Variants in FGFR2 observed in about 807,000 individuals in gnomAD.
The protein encoded by FGFR2 is BEK fibroblast growth factor receptor.
Under a neutral mutation model 95.9 loss-of-function variants are expected in FGFR2, and 19 were observed. The ratio of observed to expected loss-of-function variants is 0.20; its 90% CI spans 0.14 to 0.29. FGFR2 has a LOEUF of 0.29. Among genes scored for constraint, FGFR2 ranks in the 10% least tolerant of loss-of-function variants. The pLI is 1.00. For synonymous variants in FGFR2, 392 were observed against 393.3 expected (o/e 1.00, Z 0.04); for missense variants, 707 against 1,056.9 (o/e 0.67, Z 4.59).
chr10:121,556,229 CCAGGTATCTATGTGCTAGA>C (rs936577822), intron 4 of FGFR2, among the ~76,000 whole-genome samples: 20 of 152,150 alleles, frequency 1.3e-4, no homozygotes, highest in Non-Finnish European at 2.5e-4. Context: ...AACATACTTT[CCAGGTATCTATGTGCTAGA>C]CAGGTATTGA....
chr10:121,561,146 C>T (rs527243354), intron 4 of FGFR2, among the ~76,000 whole-genome samples: 7 of 152,202 alleles, frequency 4.6e-5, no homozygotes, highest in East Asian at 3.9e-4. Context: ...GAAGACAGGC[C>T]GGGCGCAGTG....
At chr10:121,482,368 C>T (rs1478817595) in intron 17 of FGFR2, among the ~76,000 whole-genome samples, 1 of 152,138 alleles carries the variant, frequency 6.6e-6, no homozygotes, top group Non-Finnish European at 1.5e-5. Flanking sequence ...CAGCACAGGC[C>T]ACAGTCAGAC....
intron 2 of FGFR2, among the ~76,000 whole-genome samples, chr10:121,591,892 C>T (rs1862713046): frequency 6.6e-6 from 1 of 152,208 alleles, no homozygotes; most frequent in East Asian, 1.9e-4. Context: ...CAAAGACTCA[C>T]TCGGGGAACT....
chr10:121,524,759 C>T (rs556994414), intron 6 of FGFR2, among the ~76,000 whole-genome samples: 1 of 152,324 alleles, frequency 6.6e-6, no homozygotes, highest in East Asian at 1.9e-4. Context: ...CCTTCGTGGC[C>T]TGGCCCAGCG....
chr10:121,531,131 A>G lies in FGFR2; in HGVS notation c.748+7461T>C, dbSNP rs1237637108. 6.6e-6 allele frequency: 1 copy of G among 152,214 alleles called. No homozygotes were observed. The highest frequency in any genetic ancestry group is 1.5e-5 in the Non-Finnish European group (1 of 68,070). 9.4% of individuals were successfully genotyped at this position (152,214 alleles called of 1,614,324 possible). A position where few individuals can be genotyped will look rare whatever the true frequency, so the allele number is the denominator to read the frequency against. ...GCAATCAATAAGGCTTCCTTCCTCA[A>G]TGGTGGGGCAAAGGACAACGGGTAG... On this transcript the variant is annotated intron_variant, in intron 6 of 17. Coordinates refer to ENST00000358487, the MANE Select transcript of FGFR2 (RefSeq NM_000141.5). This position sits in a 1 kb window ranked among gnomAD's most constrained non-coding sequence, Gnocchi z 4.5.
rs780167791 is a variant in FGFR2 at position 121,515,248 on chromosome 10, A to C, written c.1156T>G (p.Phe386Val). Residue 386 changes from phenylalanine to valine, a missense_variant, in exon 9 of 18, where the codon TTC becomes GTC. Physicochemically the swap from Phe to Val is conservative, Grantham distance 50 (BLOSUM62 -1). Transcript: ENST00000358487. ...LEIAIYCIGV[F>V]LIACMVVTVI... ...GTTACCACCATACAGGCGATTAAGA[A>C]GACCCCTATGCAGTAAATGGCTATC... is the stretch of plus-strand genomic sequence containing the variant. 16 of 1,614,086 alleles carry C rather than the reference A, an allele frequency of 9.9e-6. No individual in the cohort carries two copies. Among genetic ancestry groups the C allele is most frequent in the Non-Finnish European group, 1.3e-5 (15 of 1,180,044 alleles).
At chr10:121,571,134 G>A (rs1398401823) in intron 2 of FGFR2, among the ~76,000 whole-genome samples, 1 of 148,744 alleles carries the variant, frequency 6.7e-6, no homozygotes, top group African/African-American at 2.5e-5. Flanking sequence ...GACTACAGGA[G>A]CCTGCCACCA....
chr10:121,542,581 C>G (rs1425156924), intron 5 of FGFR2, among the ~76,000 whole-genome samples: 1 of 152,178 alleles, frequency 6.6e-6, no homozygotes, highest in Non-Finnish European at 1.5e-5. Flanking sequence ...TATTTTTCAT[C>G]TGCCAAGTAA....
At chr10:121,519,885 C>T (rs1850247832) in intron 7 of FGFR2, 94 bp downstream of exon 7, 1 of 1,187,808 alleles carries the variant, frequency 8.4e-7, no homozygotes. Context: ...GAGAATCATC[C>T]TCTCTCAACT....
chr10:121,518,977 T>C lies in FGFR2; in HGVS notation c.939+1002A>G, dbSNP rs1850108974. ...GGGCTGCGGATTTTAAAGAACAAAA[T>C]CAGTCCAGTGGTGGACAACGGAAAG... On this transcript the variant is annotated intron_variant, in intron 7 of 17. Transcript: ENST00000358487. The surrounding 1 kb of genome is among the most constrained non-coding windows in gnomAD (Gnocchi z 4.0). 2 of 965,210 alleles carry C rather than the reference T, an allele frequency of 2.1e-6. No homozygotes were observed. The highest frequency in any genetic ancestry group is 3.2e-5 in the African/African-American group (2 of 61,938). The allele number at this position is 965,210 out of a possible 1,614,324, so 59.8% of individuals were successfully genotyped here.
At chr10:121,481,123 A>G (rs935106956) in intron 17 of FGFR2, among the ~76,000 whole-genome samples, 3 of 151,940 alleles carry the variant, frequency 2.0e-5, no homozygotes, top group African/African-American at 7.3e-5. Context: ...AGCTGAAAAT[A>G]TTTACTCCCT....
At chr10:121,589,571 C>T (rs746314607) in intron 2 of FGFR2, among the ~76,000 whole-genome samples, 2 of 152,136 alleles carry the variant, frequency 1.3e-5, no homozygotes, top group Admixed American at 6.5e-5. Flanking sequence ...ACAGACAAAA[C>T]AGAAACACAC....
chr10:121,596,515 G>GTGATGTGAAAGATT, intron 1 of FGFR2: 1 of 194,328 alleles, frequency 5.1e-6, no homozygotes, highest in Non-Finnish European at 1.1e-5. Flanking sequence ...CATCAGGAAA[G>GTGATGTGAAAGATT]TCAACAGTGT....
intron 1 of FGFR2, 139 bp downstream of exon 1, chr10:121,597,823 G>A (rs780391644): frequency 5.7e-6 from 2 of 352,596 alleles, no homozygotes; most frequent in East Asian, 8.1e-5. Context: ...GCCACAGAGG[G>A]AGGACACGGA....
intron 13 of FGFR2, among the ~76,000 whole-genome samples, chr10:121,488,975 G>A (rs1845780421): frequency 6.6e-6 from 1 of 152,148 alleles, no homozygotes; most frequent in African/African-American, 2.4e-5. Flanking sequence ...CGCAAATGAC[G>A]TCCTCCAACT....
At chr10:121,525,377 C>T (rs896588127) in intron 6 of FGFR2, among the ~76,000 whole-genome samples, 6 of 152,136 alleles carry the variant, frequency 3.9e-5, no homozygotes, top group African/African-American at 9.7e-5. Context: ...ACCAAATAAA[C>T]GCGTAGTAAA....
At chr10:121,589,552 T>C (rs1032652771) in intron 2 of FGFR2, among the ~76,000 whole-genome samples, 1 of 152,168 alleles carries the variant, frequency 6.6e-6, no homozygotes, top group Non-Finnish European at 1.5e-5. Context: ...TTTTAACTGG[T>C]TGAAATAAAC....
rs3750818 is a variant in FGFR2 at position 121,573,160 on chromosome 10, G to A, written c.110-7456C>T. On this transcript the variant is annotated intron_variant, in intron 2 of 17. Coordinates refer to ENST00000358487, the MANE Select transcript of FGFR2 (RefSeq NM_000141.5). ...TAATGTTTGCCTATAAACTTTTCCC[G>A]TGTGGTTTTTGAAATGGCGCCCAAA... 2.9e-3 allele frequency among the ~76,000 whole-genome samples: 437 copies of A among 152,306 alleles called. 9 individuals carry two copies. Among genetic ancestry groups the A allele is most frequent in the Admixed American group, 0.02 (312 of 15,296 alleles).
chr10:121,562,774 A>T (rs1479683642), intron 4 of FGFR2, among the ~76,000 whole-genome samples: 1 of 152,210 alleles, frequency 6.6e-6, no homozygotes, highest in Non-Finnish European at 1.5e-5. Flanking sequence ...CCTAAAGTCA[A>T]CCACACACTT....
Sources: allele counts gnomAD v4.1 joint callset (sites outside exome capture counted in the v4.1 genomes callset), GRCh38; gene constraint gnomAD v4.1.1; non-coding constraint Gnocchi (gnomAD v3.1); transcripts MANE v1.5; gene names NCBI Gene and HGNC (gene_info 2026-07-23, HGNC 2026-07-21).